The following ZFYVE1 variants were observed in gnomAD, a reference collection of about 807,000 sequenced individuals.
ZFYVE1 encodes the protein zinc finger FYVE domain-containing protein 1.
Under a neutral mutation model 74.4 loss-of-function variants are expected in ZFYVE1, and 30 were observed. The observed-to-expected ratio is 0.40, with a 90% CI of 0.30 to 0.55. The LOEUF is 0.55. ZFYVE1 is among the 20% of genes least tolerant of loss of function. The pLI, the probability that ZFYVE1 is intolerant of heterozygous loss-of-function variation, is 0.42. For missense variants in ZFYVE1, 703 were observed against 1,011.6 expected (o/e 0.69, Z 4.14); for synonymous variants, 335 against 385.1 (o/e 0.87, Z 1.52).
chr14:73,014,207 G>C (rs1894146156), intron 2 of ZFYVE1, among the ~76,000 whole-genome samples: 1 of 152,156 alleles, frequency 6.6e-6, no homozygotes, highest in African/African-American at 2.4e-5. Flanking sequence ...GGTCAAATTT[G>C]AAACATCCTT....
At chr14:73,006,110 G>A (rs1594856350) in intron 2 of ZFYVE1, among the ~76,000 whole-genome samples, 4 of 151,814 alleles carry the variant, frequency 2.6e-5, no homozygotes, top group Admixed American at 1.3e-4. Flanking sequence ...TAGTGGAGAC[G>A]GGGTTTCACC....
rs1275937417 is a variant in ZFYVE1 at position 72,979,125 on chromosome 14, C to T, written c.1311-156G>A. On this transcript the variant is annotated intron_variant, in intron 5 of 11. Transcript: ENST00000556143. The stretch of plus-strand genomic sequence containing the variant: ...AACACAGAAAGGGTAGCCGGAAACC[C>T]ACATGCCTCTTTGTTACACTTGCAA... 9 of 646,346 alleles carry T rather than the reference C, an allele frequency of 1.4e-5. No homozygotes were observed. In the African/African-American group the frequency reaches 1.6e-4, roughly 12 times the overall value. 40.0% of individuals were successfully genotyped at this position (646,346 alleles called of 1,614,324 possible).
At chr14:72,994,588 C>CT (rs991895849) in intron 3 of ZFYVE1, among the ~76,000 whole-genome samples, 1 of 151,998 alleles carries the variant, frequency 6.6e-6, no homozygotes, top group African/African-American at 2.4e-5. Context: ...AAGGAGGAGT[C>CT]TTTTTTCCCA....
At position 72,986,306 on chromosome 14, in the gene ZFYVE1, G is replaced by C. The variant is rs867038490; in HGVS notation, c.1204-4411C>G. Among the ~76,000 whole-genome samples, 3 of 152,210 alleles carry C rather than the reference G, an allele frequency of 2.0e-5. No individual in the cohort carries two copies. The East Asian group carries it at 5.8e-4, about 29-fold the overall frequency. ...GTAACCACTTATGACATAAGAAAGAGACTCCAGGCAAGCCAGCCTTCAGAT... is the reference window on the plus strand; with the variant it reads ...GTAACCACTTATGACATAAGAAAGACACTCCAGGCAAGCCAGCCTTCAGAT... On this transcript the variant is annotated intron_variant, in intron 4 of 11. Transcript: ENST00000556143.
chr14:72,978,324 G>A, intron 6 of ZFYVE1, 90 bp from the exon 7 acceptor site: 2 of 1,258,630 alleles, frequency 1.6e-6, no homozygotes, highest in Non-Finnish European at 2.3e-6. Context: ...GGCTGGTTGT[G>A]AACTCCTGGG....
chr14:72,978,298 G>C, intron 6 of ZFYVE1, 64 bp from the exon 7 acceptor site: 6 of 1,531,160 alleles, frequency 3.9e-6, no homozygotes, highest in Non-Finnish European at 4.5e-6. Context: ...AATAGACACG[G>C]GGTTTTACCA....
intron 1 of ZFYVE1, 102 bp downstream of exon 1, chr14:73,026,824 C>A (rs571233428): frequency 2.7e-5 from 9 of 336,932 alleles, no homozygotes; most frequent in Admixed American, 9.7e-5. Flanking sequence ...ACCCGCCCCC[C>A]CTTCCTCCCG....
At chr14:73,007,714 T>C (rs1040511391) in intron 2 of ZFYVE1, among the ~76,000 whole-genome samples, 2 of 152,178 alleles carry the variant, frequency 1.3e-5, no homozygotes, top group East Asian at 1.9e-4. Context: ...ACCTAAACTA[T>C]GTCAAACAGA....
At position 72,998,265 on chromosome 14, in the gene ZFYVE1, C is replaced by G; in HGVS notation, c.534G>C (p.Gln178His). ...CAAAAATGGAAACCACTTTCAGATG[C>G]TGATCAGGTTTGCAGTCCAATTTTC... is the stretch of plus-strand genomic sequence containing the variant. ...FIRKLDCKPD[Q>H]HLKVVSIFGN... The change falls in exon 3 of 12, where the codon CAG becomes CAC. Residue 178 changes from glutamine to histidine, a missense_variant. Gln to His is a conservative substitution (Grantham distance 24). Transcript: ENST00000556143. 1 of 1,600,520 alleles carries G rather than the reference C, an allele frequency of 6.2e-7. No homozygotes were observed. Among genetic ancestry groups the G allele is most frequent in the South Asian group, 1.1e-5 (1 of 90,274 alleles).
intron 2 of ZFYVE1, among the ~76,000 whole-genome samples, chr14:73,018,993 G>A (rs1400768181): frequency 1.3e-5 from 2 of 151,052 alleles, no homozygotes; most frequent in South Asian, 2.1e-4. Flanking sequence ...AAAATGTGAT[G>A]AATTAATGGA....
chr14:72,982,402 G>C (rs75203136), intron 4 of ZFYVE1, among the ~76,000 whole-genome samples: 19,484 of 149,826 alleles, frequency 0.13, 1,551 homozygotes, highest in East Asian at 0.19. Context: ...AAAAAAAAAA[G>C]AAGAAGAATT....
rs368338038 is a variant in ZFYVE1, at chr14:72,981,882, C to A, written c.1217G>T (p.Arg406Leu). Residue 406 changes from arginine (R) to leucine (L), a missense_variant, in exon 5 of 12, where the codon CGC becomes CTC. Physicochemically the swap from Arg to Leu is moderately radical, Grantham distance 102. This residue lies in a region of ZFYVE1 where 492 missense variants were observed against 790.0 expected (regional missense o/e 0.62). Coordinates refer to ENST00000556143, the MANE Select transcript of ZFYVE1 (RefSeq NM_021260.4). Reference sequence around the variant, plus strand: ...GTCATCGGGGATCTCACCGCTGAAGCGGTCACTTAGTGCCTGCCAAGGAGG... The same window carrying A: ...GTCATCGGGGATCTCACCGCTGAAGAGGTCACTTAGTGCCTGCCAAGGAGG... ...IFKALKALSDRFSGEIPDDQM... is the reference protein window; with the variant it reads ...IFKALKALSDLFSGEIPDDQM... 88 of 1,613,854 alleles carry A rather than the reference C, an allele frequency of 5.5e-5. No individual in the cohort carries two copies. The highest frequency in any genetic ancestry group is 7.0e-5 in the Non-Finnish European group (83 of 1,180,044).
intron 2 of ZFYVE1, among the ~76,000 whole-genome samples, chr14:73,011,889 T>G (rs117596728): frequency 0.07 from 10,527 of 150,430 alleles, 527 homozygotes; most frequent in South Asian, 0.19. Flanking sequence ...TATATATATA[T>G]AAAATGCATA....
intron 1 of ZFYVE1, 113 bp from the exon 2 acceptor site, chr14:73,025,055 C>T (rs1035500753): frequency 1.3e-5 from 2 of 150,168 alleles, no homozygotes; most frequent in Admixed American, 6.7e-5. Flanking sequence ...AGAGAAATCT[C>T]ATTCCTCTTT....
Position 72,975,793 on chromosome 14 carries a change from G to C in ZFYVE1, c.1636-72C>G. The C allele has an allele frequency of 6.4e-7, 1 of 1,569,608 alleles. No individual in the cohort carries two copies. The highest frequency in any genetic ancestry group is 8.7e-7 in the Non-Finnish European group (1 of 1,155,280). ...AAGGAAGGAGGAAGAGGGATGTTTG[G>C]TGAGTTGCACACTCACCGTGGCCAA... On this transcript the variant is annotated intron_variant, in intron 8 of 11. Coordinates refer to ENST00000556143, the MANE Select transcript of ZFYVE1 (RefSeq NM_021260.4). The surrounding 1 kb of genome is among the most constrained non-coding windows in gnomAD (Gnocchi z 4.1).
At position 73,026,916 on chromosome 14, in the gene ZFYVE1, G is replaced by T. The variant is rs1894476222; in HGVS notation, c.-435+10C>A. On this transcript the variant is annotated intron_variant, in intron 1 of 11. Coordinates refer to ENST00000556143, the MANE Select transcript of ZFYVE1 (RefSeq NM_021260.4). ...GCCCTGCCCTGCCCGCCGCGGCCCG[G>T]GGATCCCACCACTGAGAAGCTCGGC... is the stretch of plus-strand genomic sequence containing the variant. 2 of 389,816 alleles carry T rather than the reference G, an allele frequency of 5.1e-6. No homozygotes were observed. The highest frequency in any genetic ancestry group is 4.5e-5 in the Admixed American group (1 of 22,354). The allele number at this position is 389,816 out of a possible 1,614,324, so 24.1% of individuals were successfully genotyped here.
chr14:73,005,242 A>G (rs1353850570), intron 2 of ZFYVE1, among the ~76,000 whole-genome samples: 1 of 152,076 alleles, frequency 6.6e-6, no homozygotes, highest in Non-Finnish European at 1.5e-5. Flanking sequence ...TCAGGGAGGG[A>G]AAGGCAGAGA....
chr14:73,003,704 T>TCTCAA (rs1893922137), intron 2 of ZFYVE1, among the ~76,000 whole-genome samples: 10 of 150,382 alleles, frequency 6.6e-5, no homozygotes, highest in African/African-American at 2.4e-5. Flanking sequence ...AGCAAGACTC[T>TCTCAA]AACTGGAAAA....
chr14:72,991,519 G>A (rs1446070123), intron 4 of ZFYVE1, among the ~76,000 whole-genome samples: 1 of 152,116 alleles, frequency 6.6e-6, no homozygotes, highest in East Asian at 1.9e-4. Flanking sequence ...ATTAATCTGG[G>A]TTAGCTTCCA....
Sources: gnomAD v4.1 joint callset for allele counts (sites outside exome capture counted in the v4.1 genomes callset) on GRCh38, gnomAD v4.1.1 for gene constraint, gnomAD v4.1.1 regional missense constraint, Gnocchi (gnomAD v3.1) non-coding constraint, MANE v1.5 for transcripts, NCBI Gene and HGNC (gene_info 2026-07-23, HGNC 2026-07-21) for gene names.